The following TLN2 variants were observed in gnomAD, a reference collection of about 807,000 sequenced individuals.
TLN2 encodes the protein talin-2.
Under a neutral mutation model 294.7 loss-of-function variants are expected in TLN2, and 118 were observed. That is an observed-to-expected ratio of 0.40 (90% CI 0.34 to 0.47). The LOEUF (loss-of-function observed/expected upper bound fraction) is 0.47, where lower values mean the gene tolerates loss of function less well. TLN2 is among the 20% of genes least tolerant of loss of function. The pLI is 0.84. For missense variants in TLN2, 3,083 were observed against 3,282.2 expected (o/e 0.94, Z 1.48); for synonymous variants, 1,431 against 1,304.5 (o/e 1.10, Z -2.09).
intron 51 of TLN2, among the ~76,000 whole-genome samples, chr15:62,807,663 G>C (rs11856765): frequency 9.9e-4 from 151 of 152,260 alleles, no homozygotes; most frequent in Non-Finnish European, 1.6e-3. Flanking sequence ...TGTTTTCAGG[G>C]GAGGAGCTCA....
chr15:62,617,358 G>A (rs568637394), intron 2 of TLN2, among the ~76,000 whole-genome samples: 33 of 152,132 alleles, frequency 2.2e-4, no homozygotes, highest in Admixed American at 7.2e-4. Flanking sequence ...CCATTCCTTG[G>A]ATTCCTTGGT....
chr15:62,418,808 A>C (rs1414377484), intron 1 of TLN2, among the ~76,000 whole-genome samples: 1 of 152,196 alleles, frequency 6.6e-6, no homozygotes, highest in Non-Finnish European at 1.5e-5. Context: ...GGGAGATTAC[A>C]AAGTACATTG....
At chr15:62,395,381 A>G (rs893403469) in intron 1 of TLN2, among the ~76,000 whole-genome samples, 46 of 152,156 alleles carry the variant, frequency 3.0e-4, no homozygotes, top group African/African-American at 1.0e-3. Context: ...ACAGAGAAAT[A>G]CAAATTTAAA....
At chr15:62,495,114 C>G (rs1567029067) in intron 1 of TLN2, among the ~76,000 whole-genome samples, 3 of 152,202 alleles carry the variant, frequency 2.0e-5, no homozygotes. Flanking sequence ...TTGCACTGTG[C>G]AATGCCTTCT....
chr15:62,682,133 C>T (rs2056890414), intron 11 of TLN2, among the ~76,000 whole-genome samples: 1 of 152,208 alleles, frequency 6.6e-6, no homozygotes, highest in Non-Finnish European at 1.5e-5. Flanking sequence ...AGATAGTAAA[C>T]ATTTCAGGCT....
Position 62,748,238 on chromosome 15 carries a change from G to A in TLN2, c.4026-113G>A, listed in dbSNP as rs141427890. ...AGCCTCTGCAGAAGAGTTCTCCTGG[G>A]GACCCGAGCTGAAATAGTGAATTAA... On this transcript the variant is annotated intron_variant, in intron 32 of 58. Transcript: ENST00000636159. 6.7e-4 allele frequency: 520 copies of A among 780,792 alleles called. 4 individuals are homozygous for A. In the East Asian group the frequency reaches 0.011, roughly 16 times the overall value. The allele number at this position is 780,792 out of a possible 1,614,324, so 48.4% of individuals were successfully genotyped here.
chr15:62,657,916 T>C lies in TLN2; in HGVS notation c.788+18T>C. The stretch of plus-strand genomic sequence containing the variant: ...TTTTTAGAGTAAATGACATTTTGTT[T>C]CTCTTTTTTCTCTTTTCTCCTGTCT... On this transcript the variant is annotated intron_variant, in intron 9 of 58. Transcript: ENST00000636159. 6.2e-7 allele frequency: 1 copy of C among 1,604,968 alleles called. No homozygotes were observed. The highest frequency in any genetic ancestry group is 8.5e-7 in the Non-Finnish European group (1 of 1,175,564).
At chr15:62,405,889 A>G (rs540905173) in intron 1 of TLN2, among the ~76,000 whole-genome samples, 104 of 152,334 alleles carry the variant, frequency 6.8e-4, no homozygotes, top group African/African-American at 2.4e-3. Flanking sequence ...GACAGTAGCT[A>G]TAGGCTGGAG....
intron 9 of TLN2, among the ~76,000 whole-genome samples, chr15:62,664,132 A>G (rs2054240857): frequency 6.6e-6 from 1 of 152,022 alleles, no homozygotes; most frequent in Non-Finnish European, 1.5e-5. Flanking sequence ...TTAGGAAAAG[A>G]CCTCATCAAG....
chr15:62,791,857 G>A (rs902048551), intron 45 of TLN2, among the ~76,000 whole-genome samples: 5 of 152,196 alleles, frequency 3.3e-5, no homozygotes, highest in African/African-American at 4.8e-5. Context: ...GCAAACTTCG[G>A]GGAGGTGGAA....
At chr15:62,551,757 C>T (rs768861804) in intron 1 of TLN2, among the ~76,000 whole-genome samples, 4 of 152,190 alleles carry the variant, frequency 2.6e-5, no homozygotes, top group African/African-American at 4.8e-5. Flanking sequence ...TATTACCCAG[C>T]TACCATTACA....
intron 19 of TLN2, among the ~76,000 whole-genome samples, chr15:62,703,652 G>C (rs1488799814): frequency 2.1e-5 from 3 of 143,284 alleles, no homozygotes; most frequent in Admixed American, 7.2e-5. Flanking sequence ...CACACACACA[G>C]AGAAAGAGAG....
At chr15:62,620,188 C>T (rs867960008) in intron 3 of TLN2, among the ~76,000 whole-genome samples, 2 of 151,860 alleles carry the variant, frequency 1.3e-5, no homozygotes, top group African/African-American at 2.4e-5. Context: ...ACTATATTGC[C>T]GAGGCTAATC....
At chr15:62,464,573 TA>T (rs548638657) in intron 1 of TLN2, among the ~76,000 whole-genome samples, 22,636 of 146,782 alleles carry the variant, frequency 0.15, 1,721 homozygotes, top group Non-Finnish European at 0.18. Flanking sequence ...AAAGTATATT[TA>T]AAAAAAAAAA....
chr15:62,591,906 AC>A (rs1388930338), intron 2 of TLN2, among the ~76,000 whole-genome samples: 2 of 151,136 alleles, frequency 1.3e-5, no homozygotes, highest in Non-Finnish European at 2.9e-5. Context: ...TCCTTTGAGG[AC>A]CCCCAGAGGG....
In TLN2 at chr15:62,815,177, T is replaced by TCTCA. The variant is rs1349363288; in HGVS notation, c.6772-4338_6772-4337insTCAC. 4.8e-3 allele frequency among the ~76,000 whole-genome samples: 678 copies of TCTCA among 140,664 alleles called. 1 individual carries two copies. Among genetic ancestry groups the TCTCA allele is most frequent in the African/African-American group, 0.011 (401 of 36,352 alleles). 92.3% of individuals were successfully genotyped at this position (140,664 alleles called of 152,430 possible). A position where few individuals can be genotyped will look rare whatever the true frequency, so the allele number is the denominator to read the frequency against. On this transcript the variant is annotated intron_variant, in intron 52 of 58. Coordinates refer to ENST00000636159, the MANE Select transcript of TLN2 (RefSeq NM_015059.3). ...AAACTGGAGATTTTTATTCTGTCTG[T>TCTCA]CACACACACACACACACACACACAC...
chr15:62,836,285 G>T (rs542549887), intron 57 of TLN2, among the ~76,000 whole-genome samples: 127 of 152,354 alleles, frequency 8.3e-4, no homozygotes, highest in African/African-American at 2.9e-3. Context: ...CTGGTCTCAT[G>T]CCCTGGGGCC....
chr15:62,797,919 G>A (rs1038994128), intron 48 of TLN2, among the ~76,000 whole-genome samples: 1 of 152,212 alleles, frequency 6.6e-6, no homozygotes, highest in Admixed American at 6.5e-5. Context: ...GGGAGTCGGG[G>A]CAGAGCCTGG....
chr15:62,471,041 T>G (rs1405897621), intron 1 of TLN2, among the ~76,000 whole-genome samples: 2 of 151,848 alleles, frequency 1.3e-5, no homozygotes, highest in African/African-American at 4.8e-5. Flanking sequence ...GGGGTTAGGG[T>G]GGGGGTAAAA....
Sources: allele counts gnomAD v4.1 joint callset (sites outside exome capture counted in the v4.1 genomes callset), GRCh38; gene constraint gnomAD v4.1.1; transcripts MANE v1.5; gene names NCBI Gene and HGNC (gene_info 2026-07-23, HGNC 2026-07-21).